The following CNTN4 variants were observed in gnomAD, a reference collection of about 807,000 sequenced individuals.
CNTN4 encodes the protein contactin-4.
A neutral mutation model predicts 122.5 loss-of-function variants in CNTN4; 77 were observed. That is an observed-to-expected ratio of 0.63 (90% CI 0.52 to 0.76). The LOEUF (loss-of-function observed/expected upper bound fraction) is 0.76. CNTN4 is among the 30% of genes least tolerant of loss of function. CNTN4 has a pLI of 0.00. For synonymous variants in CNTN4, 512 were observed against 447.0 expected, an observed-to-expected ratio of 1.15 and a Z score of -1.83; for missense variants, 1,256 against 1,259.1, an observed-to-expected ratio of 1.00 and a Z score of 0.04.
intron 10 of CNTN4, among the ~76,000 whole-genome samples, chr3:2,896,998 A>T (rs538813048): frequency 6.7e-6 from 1 of 148,260 alleles, no homozygotes; most frequent in South Asian, 2.1e-4. Flanking sequence ...GGCCTAAGGC[A>T]TATGTTGGCA....
intron 7 of CNTN4, among the ~76,000 whole-genome samples, chr3:2,860,387 C>T (rs1431568046): frequency 6.6e-6 from 1 of 152,132 alleles, no homozygotes; most frequent in Non-Finnish European, 1.5e-5. Context: ...CCCTGCTCTA[C>T]TCAGCACTAA....
Position 2,417,000 on chromosome 3 carries a change from A to G in CNTN4, c.-89+77767A>G, listed in dbSNP as rs2047441686. On this transcript the variant is annotated intron_variant, in intron 3 of 24. Coordinates refer to ENST00000418658, the MANE Select transcript of CNTN4 (RefSeq NM_175607.3). ...TATAAGAGTTACTTTGTTTAGCAGA[A>G]GTCTCACAGTTTGAGAATTAACCTT... Among the ~76,000 whole-genome samples, 5 of 152,256 alleles carry G rather than the reference A, an allele frequency of 3.3e-5. No individual in the cohort carries two copies. In the South Asian group the frequency reaches 1.0e-3, roughly 32 times the overall value.
chr3:3,050,115 T>C (rs769661820), intron 23 of CNTN4, among the ~76,000 whole-genome samples: 9 of 152,136 alleles, frequency 5.9e-5, no homozygotes, highest in African/African-American at 1.2e-4. Flanking sequence ...GGCCTAATTA[T>C]CTCTTCAAGG....
intron 3 of CNTN4, among the ~76,000 whole-genome samples, chr3:2,492,484 G>GA (rs1200510734): frequency 3.9e-5 from 6 of 152,136 alleles, no homozygotes; most frequent in African/African-American, 1.2e-4. Flanking sequence ...GACAGAACGA[G>GA]AGAGCAGATT....
intron 3 of CNTN4, among the ~76,000 whole-genome samples, chr3:2,534,446 C>T (rs1335827854): frequency 6.6e-6 from 1 of 152,132 alleles, no homozygotes. Context: ...TTCCATTAGT[C>T]TATATCTTTC....
At chr3:2,937,605 A>G (rs1172065879) in intron 13 of CNTN4, among the ~76,000 whole-genome samples, 1 of 152,232 alleles carries the variant, frequency 6.6e-6, no homozygotes, top group African/African-American at 2.4e-5. Context: ...CAGCAATCAC[A>G]GGACTTGGTT....
chr3:2,566,955 A>G (rs529869620), intron 3 of CNTN4, among the ~76,000 whole-genome samples: 5 of 152,246 alleles, frequency 3.3e-5, no homozygotes, highest in African/African-American at 9.6e-5. Flanking sequence ...GGTAAAATAG[A>G]TATTATGTCC....
At chr3:2,289,389 C>T (rs2042052050) in intron 2 of CNTN4, among the ~76,000 whole-genome samples, 1 of 152,104 alleles carries the variant, frequency 6.6e-6, no homozygotes, top group Non-Finnish European at 1.5e-5. Flanking sequence ...GTTTAGTTTT[C>T]TCATCTGTGA....
At chr3:3,051,105 T>A in intron 23 of CNTN4, among the ~76,000 whole-genome samples, 1 of 152,226 alleles carries the variant, frequency 6.6e-6, no homozygotes, top group East Asian at 1.9e-4. Flanking sequence ...GTGTATTTTA[T>A]GTGTGGCCCA....
chr3:2,485,989 G>A (rs531733195), intron 3 of CNTN4, among the ~76,000 whole-genome samples: 262 of 152,198 alleles, frequency 1.7e-3, no homozygotes, highest in Non-Finnish European at 3.0e-3. Flanking sequence ...TTGTTCTTTC[G>A]CTCTTTGCAA....
At chr3:2,658,393 A>G (rs1440643583) in intron 4 of CNTN4, among the ~76,000 whole-genome samples, 1 of 152,200 alleles carries the variant, frequency 6.6e-6, no homozygotes. Context: ...CCCCATCATT[A>G]GCTGAGCTAA....
intron 3 of CNTN4, among the ~76,000 whole-genome samples, chr3:2,459,740 G>A (rs1177720469): frequency 6.6e-6 from 1 of 152,084 alleles, no homozygotes; most frequent in Non-Finnish European, 1.5e-5. Context: ...TGCAACAAAA[G>A]GCTAACCTGG....
intron 7 of CNTN4, among the ~76,000 whole-genome samples, chr3:2,828,664 AC>A (rs368970499): frequency 1.7e-3 from 252 of 152,312 alleles, no homozygotes; most frequent in African/African-American, 5.7e-3. Flanking sequence ...GGAAAGCTTA[AC>A]ATTTAGTTAG....
chr3:2,848,249 T>A (rs1054769516), intron 7 of CNTN4, among the ~76,000 whole-genome samples: 5 of 151,856 alleles, frequency 3.3e-5, no homozygotes, highest in East Asian at 3.9e-4. Context: ...AAAAAAAAAA[T>A]AAAATGTTAG....
At chr3:3,015,637 A>G (rs981482080) in intron 14 of CNTN4, among the ~76,000 whole-genome samples, 29 of 152,192 alleles carry the variant, frequency 1.9e-4, no homozygotes, top group African/African-American at 4.8e-5. Flanking sequence ...GGTTAAACAG[A>G]AAAAGAGGGA....
chr3:2,897,439 C>CAA (rs34051316), intron 10 of CNTN4, among the ~76,000 whole-genome samples: 1,594 of 148,162 alleles, frequency 0.011, 30 homozygotes, highest in African/African-American at 0.036. Flanking sequence ...GTATATATTA[C>CAA]AAAAAAAAAA....
chr3:2,661,589 G>A (rs2150294968), intron 4 of CNTN4, among the ~76,000 whole-genome samples: 1 of 151,928 alleles, frequency 6.6e-6, no homozygotes, highest in East Asian at 1.9e-4. Flanking sequence ...GAGGTGGGCG[G>A]ATCACCTGAG....
chr3:2,704,959 A>G (rs897510857), intron 4 of CNTN4, among the ~76,000 whole-genome samples: 1 of 152,170 alleles, frequency 6.6e-6, no homozygotes, highest in Non-Finnish European at 1.5e-5. Context: ...GGAGCATTGT[A>G]TTAAACATAT....
chr3:2,378,505 G>A (rs2150738396), intron 3 of CNTN4, among the ~76,000 whole-genome samples: 1 of 152,258 alleles, frequency 6.6e-6, no homozygotes, highest in African/African-American at 2.4e-5. Flanking sequence ...GACCTTAATG[G>A]ACAGGTAGCA....
Sources: gnomAD v4.1 joint callset for allele counts (sites outside exome capture counted in the v4.1 genomes callset) on GRCh38, gnomAD v4.1.1 for gene constraint, MANE v1.5 for transcripts, NCBI Gene and HGNC (gene_info 2026-07-23, HGNC 2026-07-21) for gene names.